The following SIM1 variants were observed in gnomAD, a reference collection of about 807,000 sequenced individuals.
SIM1 encodes SIM bHLH transcription factor 1.
Under a neutral mutation model 78.2 loss-of-function variants are expected in SIM1, and 18 were observed. That is an observed-to-expected ratio of 0.23 (90% CI 0.16 to 0.34). The LOEUF is 0.34. SIM1 is among the 10% of genes least tolerant of loss of function. The pLI, the probability that SIM1 is intolerant of heterozygous loss-of-function variation, is 1.00. For missense variants in SIM1, 939 were observed against 975.1 expected, an observed-to-expected ratio of 0.96 and a Z score of 0.49; for synonymous variants, 417 against 385.2, an observed-to-expected ratio of 1.08 and a Z score of -0.97.
In SIM1 at chr6:100,420,865, C is replaced by T; in HGVS notation, c.1092G>A (p.Met364Ile). 1 of 1,614,002 alleles carries T rather than the reference C, an allele frequency of 6.2e-7. No individual in the cohort carries two copies. The highest frequency in any genetic ancestry group is 1.1e-5 in the South Asian group (1 of 91,076). ...ATTTGGCCCCCTTTCTGTTGTCAGT[C>T]ATGGTGGGGGTGGAGCTGCTGGTAT... ...FSYTSSSTPT[M>I]TDNRKGAKSR... Residue 364 changes from methionine to isoleucine, a missense_variant, in exon 10 of 12, where the codon ATG (methionine) becomes ATA (isoleucine). Coordinates refer to ENST00000369208, the MANE Select transcript of SIM1 (RefSeq NM_005068.3).
At chr6:100,453,228 C>A (rs1210452551) in intron 3 of SIM1, among the ~76,000 whole-genome samples, 1 of 152,222 alleles carries the variant, frequency 6.6e-6, no homozygotes, top group Admixed American at 6.5e-5. Flanking sequence ...TGCACACAGC[C>A]TGGGCTGGCT....
chr6:100,435,196 G>C (rs973762965), intron 9 of SIM1, among the ~76,000 whole-genome samples: 1 of 152,096 alleles, frequency 6.6e-6, no homozygotes, highest in Non-Finnish European at 1.5e-5. Flanking sequence ...TATTAAAAAA[G>C]AGAGTAAACT....
intron 2 of SIM1, among the ~76,000 whole-genome samples, chr6:100,459,463 G>A (rs1772778731): frequency 6.6e-6 from 1 of 152,108 alleles, no homozygotes; most frequent in Non-Finnish European, 1.5e-5. Flanking sequence ...AAATAAACAT[G>A]GAAACCTAAT....
chr6:100,415,317 G>A (rs1053353548), intron 10 of SIM1, among the ~76,000 whole-genome samples: 8 of 152,104 alleles, frequency 5.3e-5, no homozygotes, highest in African/African-American at 1.9e-4. Context: ...TAAAGTCTTT[G>A]AAATAAATTC....
chr6:100,445,080 G>A (rs1488303414), intron 9 of SIM1, among the ~76,000 whole-genome samples: 1 of 152,146 alleles, frequency 6.6e-6, no homozygotes, highest in Non-Finnish European at 1.5e-5. Context: ...TACAACCATG[G>A]AGAATCAATA....
intron 2 of SIM1, among the ~76,000 whole-genome samples, chr6:100,460,356 T>G (rs1390397052): frequency 6.6e-6 from 1 of 152,250 alleles, no homozygotes; most frequent in Non-Finnish European, 1.5e-5. Flanking sequence ...TTTTGTTTGT[T>G]CATTTAACTT....
chr6:100,394,867 T>C (rs1770731801), intron 10 of SIM1, among the ~76,000 whole-genome samples: 1 of 152,212 alleles, frequency 6.6e-6, no homozygotes, highest in African/African-American at 2.4e-5. Context: ...GCAATGTAAC[T>C]CTTAAGAAGT....
At chr6:100,438,424 C>T (rs1274696299) in intron 9 of SIM1, among the ~76,000 whole-genome samples, 1 of 152,150 alleles carries the variant, frequency 6.6e-6, no homozygotes. Flanking sequence ...CCACCTTACA[C>T]CTGCAAGGAT....
intron 9 of SIM1, among the ~76,000 whole-genome samples, chr6:100,427,683 T>C (rs1044261794): frequency 6.6e-6 from 1 of 152,308 alleles, no homozygotes. Context: ...AGTGGAAATA[T>C]AGCTAAATCC....
intron 3 of SIM1, among the ~76,000 whole-genome samples, chr6:100,451,198 A>T (rs961666269): frequency 6.6e-6 from 1 of 152,208 alleles, no homozygotes; most frequent in Non-Finnish European, 1.5e-5. Flanking sequence ...GGGGGCCCAG[A>T]GCCTGAGTGA....
intron 2 of SIM1, 62 bp downstream of exon 2, chr6:100,463,232 A>G: frequency 6.8e-7 from 1 of 1,465,276 alleles, no homozygotes; most frequent in Non-Finnish European, 9.4e-7. Context: ...ATGTCGGCTC[A>G]TTGCCTGGCA....
chr6:100,433,481 A>T (rs1771953415), intron 9 of SIM1, among the ~76,000 whole-genome samples: 1 of 151,498 alleles, frequency 6.6e-6, no homozygotes, highest in Non-Finnish European at 1.5e-5. Context: ...GACCATCCCT[A>T]CCTCTTTGTC....
At chr6:100,447,183 T>C in intron 9 of SIM1, 85 bp downstream of exon 9, 1 of 1,511,388 alleles carries the variant, frequency 6.6e-7, no homozygotes, top group Non-Finnish European at 9.0e-7. Context: ...CCGAGCCTTG[T>C]CTAACCCGGC....
chr6:100,459,823 C>T (rs1040220151), intron 2 of SIM1, among the ~76,000 whole-genome samples: 19 of 152,198 alleles, frequency 1.2e-4, no homozygotes, highest in African/African-American at 4.1e-4. Flanking sequence ...CCTCCACACC[C>T]CCAGCCAAAA....
rs1388746239 is a variant in SIM1 at position 100,406,340 on chromosome 6, C to T, written c.1168-12451G>A. Among the ~76,000 whole-genome samples the T allele has an allele frequency of 2.6e-5, 4 of 152,112 alleles. No homozygotes were observed. The South Asian group carries it at 6.2e-4, about 24-fold the overall frequency. On this transcript the variant is annotated intron_variant, in intron 10 of 11. Transcript: ENST00000369208. ...TTGAATTAAATGGGTACAGGTGGTGCCACCTGCTCCAACCCCTTGTGGCAG... is the reference window on the plus strand; with the variant it reads ...TTGAATTAAATGGGTACAGGTGGTGTCACCTGCTCCAACCCCTTGTGGCAG...
At chr6:100,415,256 G>A (rs1000859208) in intron 10 of SIM1, among the ~76,000 whole-genome samples, 4 of 152,198 alleles carry the variant, frequency 2.6e-5, no homozygotes, top group Non-Finnish European at 4.4e-5. Flanking sequence ...TGTTAATGTA[G>A]CTATAACTAG....
chr6:100,449,340 G>C, intron 6 of SIM1, 23 bp downstream of exon 6: 1 of 1,603,836 alleles, frequency 6.2e-7, no homozygotes, highest in Middle Eastern at 1.7e-4. Context: ...ACTCCACCCG[G>C]AGCGGATCTT....
At chr6:100,431,002 G>A (rs1368951185) in intron 9 of SIM1, among the ~76,000 whole-genome samples, 7 of 152,096 alleles carry the variant, frequency 4.6e-5, no homozygotes, top group Non-Finnish European at 7.4e-5. Context: ...AGGATCTCAC[G>A]TGGGGAGACC....
chr6:100,446,688 G>A (rs796542638), intron 9 of SIM1, among the ~76,000 whole-genome samples: 11 of 152,204 alleles, frequency 7.2e-5, no homozygotes, highest in African/African-American at 2.4e-4. Context: ...AAGCAATTAC[G>A]CCCCGCGCGG....
Sources: allele counts gnomAD v4.1 joint callset (sites outside exome capture counted in the v4.1 genomes callset), GRCh38; gene constraint gnomAD v4.1.1; transcripts MANE v1.5; gene names NCBI Gene and HGNC (gene_info 2026-07-23, HGNC 2026-07-21).